PRKCH: variants seen among roughly 807,000 people sequenced by gnomAD.
The protein encoded by PRKCH is protein kinase C eta type.
PRKCH carries 28 observed loss-of-function variants against 82.5 expected under a neutral mutation model. The observed-to-expected ratio is 0.34, with a 90% CI of 0.25 to 0.47. PRKCH has a LOEUF of 0.47. Ranked by LOEUF, PRKCH falls within the 20% of genes least tolerant of loss-of-function variation. PRKCH has a pLI of 1.00. For synonymous variants in PRKCH, 322 were observed against 327.4 expected (o/e 0.98, Z 0.18); for missense variants, 705 against 881.8 (o/e 0.80, Z 2.54).
rs115243921 is a variant in PRKCH at position 61,403,150 on chromosome 14, A to G, written c.427+11862A>G. The stretch of plus-strand genomic sequence containing the variant: ...GTAGTTATATTTTATTAAAATGTGT[A>G]TACTAACATGTAATGGAATTGTTAT... On this transcript the variant is annotated intron_variant, in intron 2 of 13. Transcript: ENST00000332981. Among the ~76,000 whole-genome samples the G allele has an allele frequency of 8.3e-3, 1,260 of 152,300 alleles. 29 individuals are homozygous for G. The highest frequency in any genetic ancestry group is 0.029 in the African/African-American group (1,192 of 41,562).
At chr14:61,333,609 C>T (rs2045817202) in intron 1 of PRKCH, among the ~76,000 whole-genome samples, 1 of 151,746 alleles carries the variant, frequency 6.6e-6, no homozygotes, top group South Asian at 2.1e-4. Flanking sequence ...TAGATGATGA[C>T]CCATTTTAGG....
intron 1 of PRKCH, among the ~76,000 whole-genome samples, chr14:61,247,828 A>C (rs2044901351): frequency 6.6e-6 from 1 of 151,912 alleles, no homozygotes; most frequent in Admixed American, 6.6e-5. Context: ...CTTTTAAAAC[A>C]CCCTGCAGTA....
chr14:61,298,774 G>A (rs752781594), intron 1 of PRKCH: 1 of 151,952 alleles, frequency 6.6e-6, no homozygotes. Context: ...TGTTACCAGC[G>A]GTGAATCCCT....
rs76940956 is a variant in PRKCH at position 61,473,222 on chromosome 14, G to T, written c.1279-12280G>T. Among the ~76,000 whole-genome samples, 1,374 of 152,318 alleles carry T rather than the reference G, an allele frequency of 9.0e-3. 64 individuals are homozygous for T. The East Asian group carries it at 0.14, about 16-fold the overall frequency. ...ATTTGTAAGAAGGGAAATGGTGGTGGTTGGCGGCGGGGGTAGGGGGGTGGT... is the reference window on the plus strand; with the variant it reads ...ATTTGTAAGAAGGGAAATGGTGGTGTTTGGCGGCGGGGGTAGGGGGGTGGT... On this transcript the variant is annotated intron_variant, in intron 9 of 13. Transcript: ENST00000332981.
At chr14:61,404,975 G>C (rs1016433701) in intron 2 of PRKCH, among the ~76,000 whole-genome samples, 2 of 152,190 alleles carry the variant, frequency 1.3e-5, no homozygotes, top group Non-Finnish European at 2.9e-5. Context: ...TCACTTAAGT[G>C]ATGTTCACTT....
At chr14:61,247,476 C>T (rs2044895716) in intron 1 of PRKCH, among the ~76,000 whole-genome samples, 2 of 151,996 alleles carry the variant, frequency 1.3e-5, no homozygotes, top group South Asian at 4.1e-4. Context: ...TGGCTCACGC[C>T]TGTAATCCCA....
At chr14:61,262,810 G>A (rs983633849) in intron 1 of PRKCH, among the ~76,000 whole-genome samples, 3 of 152,034 alleles carry the variant, frequency 2.0e-5, no homozygotes, top group East Asian at 1.9e-4. Context: ...GGATGATGCC[G>A]GGGAAAGCCA....
intron 1 of PRKCH, among the ~76,000 whole-genome samples, chr14:61,195,183 A>G (rs2044432211): frequency 1.4e-5 from 2 of 140,896 alleles, no homozygotes; most frequent in South Asian, 2.3e-4. Context: ...TATCTTTTAC[A>G]TAGATATCCT....
intron 1 of PRKCH, among the ~76,000 whole-genome samples, chr14:61,343,731 T>C (rs963401522): frequency 6.6e-6 from 1 of 152,228 alleles, no homozygotes; most frequent in Admixed American, 6.5e-5. Context: ...CAAAGACATT[T>C]CAGAAGAGTT....
chr14:61,486,125 C>A (rs766737736), intron 10 of PRKCH, among the ~76,000 whole-genome samples: 47 of 152,126 alleles, frequency 3.1e-4, no homozygotes, highest in Non-Finnish European at 5.6e-4. Flanking sequence ...TGGTTCAGCC[C>A]CAGTTTGCTA....
At chr14:61,245,989 G>A (rs2140069402) in intron 1 of PRKCH, among the ~76,000 whole-genome samples, 1 of 152,288 alleles carries the variant, frequency 6.6e-6, no homozygotes, top group Middle Eastern at 3.4e-3. Flanking sequence ...GTGAGGGAGA[G>A]CTTCCAGGTG....
At chr14:61,477,017 T>G (rs1340024267) in intron 9 of PRKCH, 1 of 152,258 alleles carries the variant, frequency 6.6e-6, no homozygotes, top group Non-Finnish European at 1.5e-5. Context: ...GTGACCTCTT[T>G]GACGTCAGTA....
intron 1 of PRKCH, among the ~76,000 whole-genome samples, chr14:61,349,724 G>A (rs2046045682): frequency 6.6e-6 from 1 of 152,186 alleles, no homozygotes; most frequent in Non-Finnish European, 1.5e-5. Context: ...AGCCGGGCAT[G>A]GAAGTGTACA....
chr14:61,405,709 A>G (rs749578352), intron 2 of PRKCH, among the ~76,000 whole-genome samples: 1 of 152,200 alleles, frequency 6.6e-6, no homozygotes, highest in Non-Finnish European at 1.5e-5. Flanking sequence ...GTGGTGAACT[A>G]TCATTTGTTG....
intron 10 of PRKCH, among the ~76,000 whole-genome samples, chr14:61,527,481 C>G (rs2042982183): frequency 6.6e-6 from 1 of 152,154 alleles, no homozygotes; most frequent in Non-Finnish European, 1.5e-5. Context: ...GCCCTGCTTC[C>G]TTTCCCCTGA....
intron 1 of PRKCH, among the ~76,000 whole-genome samples, chr14:61,329,271 CTG>C (rs1403664093): frequency 1.1e-5 from 1 of 94,052 alleles, no homozygotes; most frequent in Non-Finnish European, 1.9e-5. Context: ...GAATCTCTCT[CTG>C]TTGCCCAGGC....
intron 1 of PRKCH, among the ~76,000 whole-genome samples, chr14:61,254,694 A>G (rs961387082): frequency 7.2e-5 from 11 of 152,240 alleles, no homozygotes; most frequent in African/African-American, 2.4e-4. Flanking sequence ...AATTTTTGAG[A>G]GGAAAGTTGT....
intron 1 of PRKCH, among the ~76,000 whole-genome samples, chr14:61,255,992 G>A (rs1349442903): frequency 1.3e-5 from 2 of 152,166 alleles, no homozygotes; most frequent in Non-Finnish European, 2.9e-5. Context: ...ACACATGAAA[G>A]GATTCTAAAC....
intron 10 of PRKCH, among the ~76,000 whole-genome samples, chr14:61,505,395 C>CTTTTTCTTTTTTTTTTTTTTTT (rs1887099057): frequency 1.3e-4 from 7 of 55,738 alleles, no homozygotes; most frequent in Admixed American, 3.0e-4. Context: ...CTTTTCTTTT[C>CTTTTTCTTTTTTTTTTTTTTTT]TTTTTTTTTT....
Sources: allele counts gnomAD v4.1 joint callset (sites outside exome capture counted in the v4.1 genomes callset), GRCh38; gene constraint gnomAD v4.1.1; transcripts MANE v1.5; gene names NCBI Gene and HGNC (gene_info 2026-07-23, HGNC 2026-07-21).